COG3: variants seen among roughly 807,000 people sequenced by gnomAD.
COG3 encodes conserved oligomeric Golgi complex subunit 3.
A neutral mutation model predicts 114.1 loss-of-function variants in COG3; 32 were observed. That is an observed-to-expected ratio of 0.28 (90% confidence interval 0.21 to 0.38). The LOEUF (loss-of-function observed/expected upper bound fraction) is 0.38. Ranked by LOEUF, COG3 falls within the 10% of genes least tolerant of loss-of-function variation. The probability of loss-of-function intolerance (pLI) is 1.00; values close to 1 mark genes in which losing one functional copy is unlikely to be tolerated. For missense variants in COG3, 813 were observed against 973.2 expected (o/e 0.84, Z 2.19); for synonymous variants, 352 against 365.7 (o/e 0.96, Z 0.43).
At chr13:45,500,206 T>C (rs546338948) in intron 13 of COG3, among the ~76,000 whole-genome samples, 1 of 152,012 alleles carries the variant, frequency 6.6e-6, no homozygotes, top group Non-Finnish European at 1.5e-5. Flanking sequence ...ATAATTTTGC[T>C]AAGTCATCAT....
chr13:45,475,270 T>C (rs1019746489), intron 1 of COG3, among the ~76,000 whole-genome samples: 1 of 152,182 alleles, frequency 6.6e-6, no homozygotes, highest in Admixed American at 6.5e-5. Flanking sequence ...CGACCTTGAC[T>C]CACTGCAACC....
chr13:45,512,711 T>G (rs568260589), intron 16 of COG3, among the ~76,000 whole-genome samples: 1 of 152,068 alleles, frequency 6.6e-6, no homozygotes, highest in East Asian at 1.9e-4. Flanking sequence ...CACTGCAGCC[T>G]CAACCTCCTG....
At chr13:45,508,097 A>G (rs1362083329) in intron 14 of COG3, among the ~76,000 whole-genome samples, 1 of 147,634 alleles carries the variant, frequency 6.8e-6, no homozygotes, top group African/African-American at 2.5e-5. Flanking sequence ...AAAAAAAAAA[A>G]AAGGAAAGAA....
intron 19 of COG3, among the ~76,000 whole-genome samples, chr13:45,520,654 T>C (rs185564534): frequency 2.0e-5 from 3 of 152,372 alleles, no homozygotes; most frequent in African/African-American, 7.2e-5. Context: ...TGGCATATAT[T>C]GCTTGTTAAG....
Position 45,502,015 on chromosome 13 carries a change from C to T in COG3, c.1489-1229C>T, listed in dbSNP as rs1349136828. On this transcript the variant is annotated intron_variant, in intron 13 of 22. Transcript: ENST00000349995. The stretch of plus-strand genomic sequence containing the variant: ...ATCAACCTTGCAGGGATCAGATCCC[C>T]TTGTAGGGCAGGCAGTGGGGGCTGT... Among the ~76,000 whole-genome samples the T allele has an allele frequency of 2.0e-5, 3 of 152,148 alleles. No individual in the cohort carries two copies. The East Asian group carries it at 5.8e-4, about 29-fold the overall frequency.
chr13:45,531,108 A>G, intron 22 of COG3: 2 of 826,866 alleles, frequency 2.4e-6, no homozygotes, highest in Non-Finnish European at 2.8e-6. Flanking sequence ...TATGCATAAT[A>G]AGAGAAATAC....
rs1887021267 is a variant in COG3, at chr13:45,491,598, CT to C, written c.1095+61del. 2.7e-6 allele frequency: 4 copies of C among 1,507,642 alleles called. No individual in the cohort carries two copies. In the South Asian group the frequency reaches 3.8e-5, roughly 14 times the overall value. 93.4% of individuals were successfully genotyped at this position (1,507,642 alleles called of 1,614,324 possible). On this transcript the variant is annotated intron_variant, in intron 10 of 22. Coordinates refer to ENST00000349995, the MANE Select transcript of COG3 (RefSeq NM_031431.4). ...CTTCCTCTTGAGTTATGTTGATATC[CT>C]AGAAACTATACCTGGTTAAATAAGA... is the stretch of plus-strand genomic sequence containing the variant.
At chr13:45,466,196 C>T (rs879812544) in intron 1 of COG3, among the ~76,000 whole-genome samples, 5 of 152,110 alleles carry the variant, frequency 3.3e-5, no homozygotes, top group Non-Finnish European at 5.9e-5. Context: ...TGCCACTACA[C>T]CCGGCTAATT....
At chr13:45,486,627 C>T in intron 8 of COG3, 52 bp downstream of exon 8, 2 of 1,028,712 alleles carry the variant, frequency 1.9e-6, no homozygotes, top group Non-Finnish European at 3.1e-6. Flanking sequence ...TTCATCTGCC[C>T]TTTTGAAGTA....
intron 19 of COG3, among the ~76,000 whole-genome samples, chr13:45,520,285 C>A (rs1224262682): frequency 5.3e-4 from 76 of 143,330 alleles, no homozygotes; most frequent in Middle Eastern, 3.4e-3. Context: ...GAGACTGTCT[C>A]AAAAAAAAAA....
chr13:45,474,151 C>CTTTTTTTTTT (rs10558884), intron 1 of COG3, among the ~76,000 whole-genome samples: 10 of 82,010 alleles, frequency 1.2e-4, no homozygotes, highest in African/African-American at 2.0e-4. Flanking sequence ...CTTTTTTACT[C>CTTTTTTTTTT]TTTTTTTTTT....
chr13:45,513,614 A>C (rs1457243980), intron 16 of COG3, among the ~76,000 whole-genome samples: 3 of 148,668 alleles, frequency 2.0e-5, no homozygotes, highest in Non-Finnish European at 4.4e-5. Flanking sequence ...ATAATTTGGG[A>C]TCTTGTTGCT....
intron 17 of COG3, among the ~76,000 whole-genome samples, chr13:45,517,765 G>T (rs1235676226): frequency 6.6e-6 from 1 of 152,190 alleles, no homozygotes. Flanking sequence ...TAAGTGATGG[G>T]ATAGAGCAGG....
chr13:45,494,739 C>G (rs1326358907), intron 12 of COG3, among the ~76,000 whole-genome samples: 1 of 151,908 alleles, frequency 6.6e-6, no homozygotes, highest in Non-Finnish European at 1.5e-5. Flanking sequence ...TTGCCCAGGC[C>G]GGTCTTGAGC....
chr13:45,535,403 G>A lies in COG3; in HGVS notation c.*672G>A. 6.1e-6 allele frequency: 6 copies of A among 985,418 alleles called. No homozygotes were observed. The highest frequency in any genetic ancestry group is 7.2e-6 in the Non-Finnish European group (6 of 829,932). 61.0% of individuals were successfully genotyped at this position (985,418 alleles called of 1,614,324 possible). A position where few individuals can be genotyped will look rare whatever the true frequency, so the allele number is the denominator to read the frequency against. ...TTAGGTGCAGACAGTTCTAAAGCAA[G>A]GAGCTGCAGCATTCTCATCATAGAT... On this transcript the variant is annotated 3_prime_UTR_variant, in exon 23 of 23. Coordinates refer to ENST00000349995, the MANE Select transcript of COG3 (RefSeq NM_031431.4).
At chr13:45,504,385 G>T (rs1033394339) in intron 14 of COG3, among the ~76,000 whole-genome samples, 2 of 152,104 alleles carry the variant, frequency 1.3e-5, no homozygotes, top group Non-Finnish European at 2.9e-5. Flanking sequence ...ATACCTCTTG[G>T]TCCTAGTATA....
chr13:45,519,191 TA>T (rs1303844994), intron 19 of COG3, 97 bp downstream of exon 19: 52 of 1,333,350 alleles, frequency 3.9e-5, no homozygotes, highest in Non-Finnish European at 4.7e-5. Flanking sequence ...CAGAAGGAGA[TA>T]TTAAGCCCAA....
At position 45,535,431 on chromosome 13, in the gene COG3, G is replaced by A. The variant is rs1383539074; in HGVS notation, c.*700G>A. 7 of 984,844 alleles carry A rather than the reference G, an allele frequency of 7.1e-6. No individual in the cohort carries two copies. Among genetic ancestry groups the A allele is most frequent in the Middle Eastern group, 1.0e-3 (2 of 1,934 alleles). 61.0% of individuals were successfully genotyped at this position (984,844 alleles called of 1,614,324 possible). A position where few individuals can be genotyped will look rare whatever the true frequency, so the allele number is the denominator to read the frequency against. ...GCTGCAGCATTCTCATCATAGATAC[G>A]TGCAGTATCTTTAATGAGTATCTTC... On this transcript the variant is annotated 3_prime_UTR_variant, in exon 23 of 23. Coordinates refer to ENST00000349995, the MANE Select transcript of COG3 (RefSeq NM_031431.4).
chr13:45,516,074 T>C (rs547812924), intron 16 of COG3, 69 bp from the exon 17 acceptor site: 45 of 1,155,754 alleles, frequency 3.9e-5, no homozygotes, highest in Middle Eastern at 3.0e-4. Flanking sequence ...TGATTAATAA[T>C]GTATGCTGTA....
Sources: gnomAD v4.1 joint callset for allele counts (sites outside exome capture counted in the v4.1 genomes callset) on GRCh38, gnomAD v4.1.1 for gene constraint, MANE v1.5 for transcripts, NCBI Gene and HGNC (gene_info 2026-07-23, HGNC 2026-07-21) for gene names.